Variants in CNTNAP2 observed in about 807,000 individuals in gnomAD.
CNTNAP2 encodes the protein contactin associated protein 2, also known as contactin-associated protein-like 2.
CNTNAP2 carries 98 observed loss-of-function variants against 155.2 expected under a neutral mutation model. The ratio of observed to expected loss-of-function variants is 0.63; its 90% CI spans 0.54 to 0.75. The LOEUF (loss-of-function observed/expected upper bound fraction) is 0.75. Ranked by LOEUF, CNTNAP2 falls within the 30% of genes least tolerant of loss-of-function variation. The pLI, the probability that CNTNAP2 is intolerant of heterozygous loss-of-function variation, is 0.00. For synonymous variants in CNTNAP2, 651 were observed against 631.2 expected (o/e 1.03, Z -0.47); for missense variants, 1,727 against 1,688.1 (o/e 1.02, Z -0.40).
At chr7:147,157,759 A>G (rs1295718633) in intron 8 of CNTNAP2, among the ~76,000 whole-genome samples, 1 of 152,158 alleles carries the variant, frequency 6.6e-6, no homozygotes, top group African/African-American at 2.4e-5. Context: ...GGCTAGATGG[A>G]TGAACAAATG....
At chr7:147,338,363 C>T (rs1486725130) in intron 9 of CNTNAP2, among the ~76,000 whole-genome samples, 1 of 151,818 alleles carries the variant, frequency 6.6e-6, no homozygotes, top group African/African-American at 2.4e-5. Context: ...GTAAAAAATT[C>T]ACAGAATCAA....
intron 2 of CNTNAP2, among the ~76,000 whole-genome samples, chr7:146,807,100 T>C: frequency 6.6e-6 from 1 of 152,324 alleles, no homozygotes; most frequent in Admixed American, 6.5e-5. Context: ...ATTTTATAGC[T>C]ATTAAAATTA....
chr7:148,066,078 AATT>A (rs2116520677), intron 15 of CNTNAP2, among the ~76,000 whole-genome samples: 1 of 152,204 alleles, frequency 6.6e-6, no homozygotes, highest in African/African-American at 2.4e-5. Context: ...CTTGGCTTTT[AATT>A]ATTTTGTTTA....
chr7:146,272,475 T>A (rs1018665387), intron 1 of CNTNAP2, among the ~76,000 whole-genome samples: 15 of 152,190 alleles, frequency 9.9e-5, no homozygotes, highest in African/African-American at 3.6e-4. Context: ...AATGATAATA[T>A]GCCACTTTCA....
intron 22 of CNTNAP2, among the ~76,000 whole-genome samples, chr7:148,406,164 A>G (rs1377304373): frequency 2.6e-5 from 4 of 151,958 alleles, no homozygotes; most frequent in African/African-American, 4.8e-5. Context: ...CCCAGGAGGC[A>G]GAGCTTGCAG....
chr7:146,932,630 A>T (rs1467172950), intron 3 of CNTNAP2, among the ~76,000 whole-genome samples: 3 of 152,156 alleles, frequency 2.0e-5, no homozygotes, highest in Non-Finnish European at 4.4e-5. Context: ...TCAATTAGGA[A>T]AAGAGGAAGT....
chr7:148,176,344 C>G (rs1794936329), intron 18 of CNTNAP2, among the ~76,000 whole-genome samples: 1 of 151,322 alleles, frequency 6.6e-6, no homozygotes, highest in Non-Finnish European at 1.5e-5. Flanking sequence ...GCCTCAGCCT[C>G]CCGAGTAGCT....
chr7:148,280,398 A>T (rs1210962400), intron 21 of CNTNAP2, among the ~76,000 whole-genome samples: 1 of 152,214 alleles, frequency 6.6e-6, no homozygotes, highest in Non-Finnish European at 1.5e-5. Context: ...ACCTACACAG[A>T]TGATAAAATT....
In CNTNAP2 at chr7:147,582,926, T is replaced by C. The variant is rs1382691703; in HGVS notation, c.1897+20669T>C. The stretch of plus-strand genomic sequence containing the variant: ...CCCAGAGCCTATTTAATCATTATTG[T>C]GATATCGTTTTTGTTACTTCAAACA... On this transcript the variant is annotated intron_variant, in intron 12 of 23. Transcript: ENST00000361727. Among the ~76,000 whole-genome samples, 7 of 152,272 alleles carry C rather than the reference T, an allele frequency of 4.6e-5. No homozygotes were observed. The East Asian group carries it at 1.4e-3, about 29-fold the overall frequency.
In CNTNAP2 at chr7:147,560,727, C is replaced by A. The variant is rs150473211; in HGVS notation, c.1778-1411C>A. On this transcript the variant is annotated intron_variant, in intron 11 of 23. Coordinates refer to ENST00000361727, the MANE Select transcript of CNTNAP2 (RefSeq NM_014141.6). ...TCAGTGCAGCATAGTTCCTCAATAA[C>A]TATGTGCAAAGGGAGGAAATGAGGG... 3.6e-3 allele frequency among the ~76,000 whole-genome samples: 538 copies of A among 151,140 alleles called. 5 individuals carry two copies. Among genetic ancestry groups the A allele is most frequent in the Middle Eastern group, 6.8e-3 (2 of 294 alleles).
intron 1 of CNTNAP2, among the ~76,000 whole-genome samples, chr7:146,487,458 A>T (rs1460642912): frequency 1.3e-5 from 2 of 152,174 alleles, no homozygotes; most frequent in African/African-American, 4.8e-5. Flanking sequence ...CTCCTAAGGA[A>T]GCTATGCTTA....
At chr7:147,728,008 A>G (rs1433529729) in intron 13 of CNTNAP2, among the ~76,000 whole-genome samples, 1 of 151,898 alleles carries the variant, frequency 6.6e-6, no homozygotes, top group Non-Finnish European at 1.5e-5. Flanking sequence ...TACAAATGAG[A>G]CCACAAATCT....
chr7:148,288,041 T>C (rs572611081), intron 21 of CNTNAP2, among the ~76,000 whole-genome samples: 1 of 149,770 alleles, frequency 6.7e-6, no homozygotes, highest in Admixed American at 6.6e-5. Flanking sequence ...CGGCCCGCCT[T>C]GGCCCCCCAA....
chr7:146,725,522 A>T (rs1801416236), intron 1 of CNTNAP2, among the ~76,000 whole-genome samples: 1 of 152,190 alleles, frequency 6.6e-6, no homozygotes, highest in Admixed American at 6.5e-5. Context: ...GGTTTAAAGG[A>T]TGAGAGGAAC....
At chr7:146,629,693 T>G (rs1434985965) in intron 1 of CNTNAP2, among the ~76,000 whole-genome samples, 1 of 152,170 alleles carries the variant, frequency 6.6e-6, no homozygotes, top group Non-Finnish European at 1.5e-5. Flanking sequence ...GGCCGTATAT[T>G]TAAAAAACAA....
chr7:146,643,333 T>C, intron 1 of CNTNAP2, among the ~76,000 whole-genome samples: 1 of 152,120 alleles, frequency 6.6e-6, no homozygotes, highest in East Asian at 1.9e-4. Context: ...AATTAATTTT[T>C]GTATAAGGTG....
intron 10 of CNTNAP2, among the ~76,000 whole-genome samples, chr7:147,415,961 A>T (rs1169859475): frequency 6.6e-6 from 1 of 152,162 alleles, no homozygotes; most frequent in Non-Finnish European, 1.5e-5. Flanking sequence ...GCATTCATGG[A>T]TCTCCACCCA....
chr7:147,531,825 G>A (rs1164023897), intron 11 of CNTNAP2, among the ~76,000 whole-genome samples: 3 of 114,718 alleles, frequency 2.6e-5, no homozygotes, highest in African/African-American at 6.8e-5. Flanking sequence ...TTTTTTTTCC[G>A]AGACAAAGTC....
At chr7:147,181,953 C>T (rs546436510) in intron 8 of CNTNAP2, among the ~76,000 whole-genome samples, 34 of 151,686 alleles carry the variant, frequency 2.2e-4, no homozygotes, top group African/African-American at 7.7e-4. Flanking sequence ...GGTGAAACCC[C>T]GTCCATACTA....
Sources: gnomAD v4.1 joint callset for allele counts (sites outside exome capture counted in the v4.1 genomes callset) on GRCh38, gnomAD v4.1.1 for gene constraint, MANE v1.5 for transcripts, NCBI Gene and HGNC (gene_info 2026-07-23, HGNC 2026-07-21) for gene names.